PCDH15: variants seen among roughly 807,000 people sequenced by gnomAD.
PCDH15 encodes protocadherin related 15, also known as protocadherin-15.
A neutral mutation model predicts 178.5 loss-of-function variants in PCDH15; 129 were observed. The observed-to-expected ratio is 0.72, with a 90% CI of 0.63 to 0.84. The LOEUF is 0.84. Ranked by LOEUF, PCDH15 falls within the 40% of genes least tolerant of loss-of-function variation. The pLI is 0.00. For missense variants in PCDH15, 2,230 were observed against 2,099.9 expected (o/e 1.06, Z -1.21); for synonymous variants, 800 against 732.0 (o/e 1.09, Z -1.50).
intron 24 of PCDH15, 111 bp downstream of exon 24, chr10:53,940,755 C>T (rs750796889): frequency 3.6e-6 from 3 of 837,562 alleles, no homozygotes; most frequent in South Asian, 1.5e-5. Context: ...AAGATGGGCA[C>T]AATTTTATTA....
At chr10:54,254,803 C>T (rs561689400) in intron 8 of PCDH15, among the ~76,000 whole-genome samples, 44 of 152,202 alleles carry the variant, frequency 2.9e-4, no homozygotes, top group Non-Finnish European at 2.9e-4. Context: ...GCCTGTAAGG[C>T]ACTGATAGAT....
intron 25 of PCDH15, among the ~76,000 whole-genome samples, chr10:53,924,024 C>A (rs752192161): frequency 6.6e-6 from 1 of 152,162 alleles, no homozygotes; most frequent in Non-Finnish European, 1.5e-5. Context: ...CTGCTGGCAG[C>A]CCTCGCAGCC....
intron 18 of PCDH15, among the ~76,000 whole-genome samples, chr10:54,043,816 T>C (rs1394693167): frequency 6.6e-6 from 1 of 152,114 alleles, no homozygotes; most frequent in African/African-American, 2.4e-5. Context: ...ACTGATTCTC[T>C]GGAACTTCTA....
intron 15 of PCDH15, among the ~76,000 whole-genome samples, chr10:54,110,491 G>A (rs1590516116): frequency 6.6e-6 from 1 of 152,182 alleles, no homozygotes; most frequent in East Asian, 1.9e-4. Flanking sequence ...TACTCATGAA[G>A]ACAGCTTCTG....
chr10:55,101,858 A>G (rs1376058365), intron 2 of PCDH15, among the ~76,000 whole-genome samples: 1 of 151,748 alleles, frequency 6.6e-6, no homozygotes, highest in Admixed American at 6.6e-5. Flanking sequence ...AAGTAGATCT[A>G]TATTTTTCTT....
At chr10:53,907,511 T>A (rs2133724723) in intron 25 of PCDH15, among the ~76,000 whole-genome samples, 1 of 152,260 alleles carries the variant, frequency 6.6e-6, no homozygotes. Flanking sequence ...GCAAAAAAGT[T>A]ATTTGGAAAG....
chr10:54,177,633 A>G (rs2047565117), intron 13 of PCDH15, among the ~76,000 whole-genome samples: 1 of 152,128 alleles, frequency 6.6e-6, no homozygotes, highest in African/African-American at 2.4e-5. Flanking sequence ...CTACAAATAC[A>G]TTCTAAAATA....
chr10:54,807,869 A>T (rs1952803378), intron 3 of PCDH15, among the ~76,000 whole-genome samples: 1 of 151,520 alleles, frequency 6.6e-6, no homozygotes, highest in Admixed American at 6.6e-5. Context: ...ATGAGTATAG[A>T]TTTAAAATTA....
intron 8 of PCDH15, among the ~76,000 whole-genome samples, chr10:54,269,632 T>G (rs2057921263): frequency 6.6e-6 from 1 of 151,970 alleles, no homozygotes; most frequent in Non-Finnish European, 1.5e-5. Flanking sequence ...ACAAATTCAA[T>G]TTTAAAGTTC....
chr10:54,511,706 A>G (rs2081685076), intron 3 of PCDH15, among the ~76,000 whole-genome samples: 1 of 152,172 alleles, frequency 6.6e-6, no homozygotes, highest in African/African-American at 2.4e-5. Context: ...TATCTAGTCT[A>G]ACTTTCTAAA....
intron 11 of PCDH15, among the ~76,000 whole-genome samples, chr10:54,189,851 A>G (rs2048806132): frequency 6.6e-6 from 1 of 151,574 alleles, no homozygotes; most frequent in South Asian, 2.1e-4. Context: ...TTTTGAAATT[A>G]TGATGTGGTA....
intron 5 of PCDH15, among the ~76,000 whole-genome samples, chr10:54,363,055 T>C (rs1165845470): frequency 6.6e-6 from 1 of 152,074 alleles, no homozygotes; most frequent in African/African-American, 2.4e-5. Flanking sequence ...AATATATATG[T>C]TATAGGATAT....
intron 2 of PCDH15, among the ~76,000 whole-genome samples, chr10:55,485,485 T>G (rs1840275738): frequency 6.6e-6 from 1 of 151,582 alleles, no homozygotes; most frequent in South Asian, 2.1e-4. Flanking sequence ...AGAATAACTA[T>G]TACCAAAAAG....
intron 2 of PCDH15, among the ~76,000 whole-genome samples, chr10:55,035,387 A>T (rs1162500324): frequency 3.9e-5 from 6 of 152,106 alleles, no homozygotes; most frequent in Non-Finnish European, 7.4e-5. Context: ...ATTTTCTGGA[A>T]GACCATTTTG....
chr10:54,612,614 T>C (rs2092999937), intron 2 of PCDH15, among the ~76,000 whole-genome samples: 2 of 151,748 alleles, frequency 1.3e-5, no homozygotes, highest in Admixed American at 1.3e-4. Flanking sequence ...GAATATATTG[T>C]GTGTGGCTCT....
intron 2 of PCDH15, among the ~76,000 whole-genome samples, chr10:55,499,145 T>C (rs530611170): frequency 5.9e-5 from 9 of 151,932 alleles, no homozygotes; most frequent in African/African-American, 2.2e-4. Flanking sequence ...TGATTTCTTC[T>C]TGGTGAGACA....
chr10:55,374,422 A>C (rs763957794), intron 2 of PCDH15, among the ~76,000 whole-genome samples: 1 of 152,072 alleles, frequency 6.6e-6, no homozygotes, highest in Non-Finnish European at 1.5e-5. Context: ...TGCTTGACTG[A>C]ATTATGTTTT....
chr10:55,554,485 T>C (rs1842053399), intron 2 of PCDH15, among the ~76,000 whole-genome samples: 1 of 152,048 alleles, frequency 6.6e-6, no homozygotes, highest in South Asian at 2.1e-4. Flanking sequence ...AATGAACCAA[T>C]ATTGACATTA....
chr10:54,246,492 A>G (rs1038395355), intron 8 of PCDH15, among the ~76,000 whole-genome samples: 1 of 151,880 alleles, frequency 6.6e-6, no homozygotes, highest in Non-Finnish European at 1.5e-5. Flanking sequence ...AGATTCTTGC[A>G]TATAATTAAG....
Sources: gnomAD v4.1 joint callset for allele counts (sites outside exome capture counted in the v4.1 genomes callset) on GRCh38, gnomAD v4.1.1 for gene constraint, MANE v1.5 for transcripts, NCBI Gene and HGNC (gene_info 2026-07-23, HGNC 2026-07-21) for gene names.